Variants in TCF20 observed in about 807,000 individuals in gnomAD.
The protein encoded by TCF20 is transcription factor 20.
In TCF20, 3 loss-of-function variants were observed where a neutral mutation model predicts 148.6. The observed-to-expected ratio is 0.02, with a 90% CI of 0.01 to 0.05. The LOEUF (loss-of-function observed/expected upper bound fraction) is 0.05, where lower values mean the gene tolerates loss of function less well. Among genes scored for constraint, TCF20 ranks in the 10% least tolerant of loss-of-function variants. The pLI is 1.00. For missense variants in TCF20, 2,350 were observed against 2,429.3 expected (o/e 0.97, Z 0.69); for synonymous variants, 1,049 against 909.5 (o/e 1.15, Z -2.76).
rs760560938 is a variant in TCF20, at chr22:42,210,540, G to A, written c.4766C>T (p.Pro1589Leu). 1.1e-5 allele frequency: 18 copies of A among 1,614,210 alleles called. No individual in the cohort carries two copies. Among genetic ancestry groups the A allele is most frequent in the Non-Finnish European group, 1.5e-5 (18 of 1,180,042 alleles). Residue 1589 changes from proline to leucine, a missense_variant, in exon 2 of 6, where the codon CCT (proline) becomes CTT (leucine). Transcript: ENST00000677622. This position sits in a 1 kb window ranked among gnomAD's most constrained non-coding sequence, Gnocchi z 4.7. ...TTTTCGCTTCCTCGGCTGGGCCCCA[G>A]GCTTCCTTCTCTCCCTCCTTTGCCT... The part of the protein sequence containing the change: ...KQRQRRERRK[P>L]GAQPRKRKTK...
Position 42,174,831 on chromosome 22 carries a change from C to G in TCF20, c.5749+4778G>C, listed in dbSNP as rs145328893. 5.1e-4 allele frequency among the ~76,000 whole-genome samples: 78 copies of G among 151,946 alleles called. 1 individual carries two copies. The highest frequency in any genetic ancestry group is 4.4e-3 in the Admixed American group (67 of 15,266). ...TGGGCAGATCACAAGGTCAGGAGAT[C>G]GAGACCATCCCGGCTAACACGGTGA... is the stretch of plus-strand genomic sequence containing the variant. On this transcript the variant is annotated intron_variant, in intron 3 of 5. Coordinates refer to ENST00000677622, the MANE Select transcript of TCF20 (RefSeq NM_001378418.1).
At chr22:42,308,959 C>T (rs1409049294) in intron 1 of TCF20, among the ~76,000 whole-genome samples, 1 of 152,136 alleles carries the variant, frequency 6.6e-6, no homozygotes, top group Non-Finnish European at 1.5e-5. Context: ...CACACAGGCC[C>T]TGAGGGTAGA....
intron 1 of TCF20, among the ~76,000 whole-genome samples, chr22:42,255,383 G>A (rs183660483): frequency 6.6e-6 from 1 of 152,104 alleles, no homozygotes; most frequent in Admixed American, 6.5e-5. Flanking sequence ...CAGCTAGTTG[G>A]GAGGCTAAGG....
intron 2 of TCF20, among the ~76,000 whole-genome samples, chr22:42,199,740 A>C (rs1354785550): frequency 7.4e-6 from 1 of 135,928 alleles, no homozygotes; most frequent in Non-Finnish European, 1.6e-5. Flanking sequence ...AAAAAAAATT[A>C]GCCAGATGTG....
At chr22:42,295,749 A>G (rs367655912) in intron 1 of TCF20, among the ~76,000 whole-genome samples, 1 of 152,174 alleles carries the variant, frequency 6.6e-6, no homozygotes. Context: ...CTACTCCCTT[A>G]TGTTTTCATA....
At chr22:42,323,064 G>A (rs1044539700) in intron 1 of TCF20, among the ~76,000 whole-genome samples, 4 of 151,570 alleles carry the variant, frequency 2.6e-5, no homozygotes, top group East Asian at 1.9e-4. Context: ...CTGCCACCAC[G>A]ACTGGCTGAT....
chr22:42,163,413 T>C (rs1935583585), intron 5 of TCF20, among the ~76,000 whole-genome samples: 1 of 152,246 alleles, frequency 6.6e-6, no homozygotes, highest in African/African-American at 2.4e-5. Context: ...CTGAATGTAA[T>C]GGGACCCTAA....
At chr22:42,220,659 G>C (rs113798312) in intron 1 of TCF20, among the ~76,000 whole-genome samples, 14 of 152,200 alleles carry the variant, frequency 9.2e-5, no homozygotes, top group African/African-American at 3.1e-4. Context: ...CTATGCCCTA[G>C]AACGGACAAT....
At chr22:42,228,355 A>G (rs1923096143) in intron 1 of TCF20, among the ~76,000 whole-genome samples, 1 of 152,238 alleles carries the variant, frequency 6.6e-6, no homozygotes, top group African/African-American at 2.4e-5. Flanking sequence ...AGCAGCAGCC[A>G]ACACTAGTTA....
At chr22:42,241,648 G>A (rs1304169558) in intron 1 of TCF20, among the ~76,000 whole-genome samples, 1 of 152,106 alleles carries the variant, frequency 6.6e-6, no homozygotes, top group Non-Finnish European at 1.5e-5. Context: ...CCATCATGGT[G>A]AAACTCCATC....
At chr22:42,277,598 G>A (rs1926808455) in intron 1 of TCF20, among the ~76,000 whole-genome samples, 1 of 152,174 alleles carries the variant, frequency 6.6e-6, no homozygotes, top group Non-Finnish European at 1.5e-5. Context: ...AGGGCACAGG[G>A]GCCTGCAGGG....
At chr22:42,198,086 G>A (rs1267783487) in intron 2 of TCF20, among the ~76,000 whole-genome samples, 1 of 152,062 alleles carries the variant, frequency 6.6e-6, no homozygotes, top group Non-Finnish European at 1.5e-5. Flanking sequence ...AAATTAACTG[G>A]AAACCACCTC....
At chr22:42,174,565 ACAAT>A (rs1424012415) in intron 3 of TCF20, among the ~76,000 whole-genome samples, 2 of 152,072 alleles carry the variant, frequency 1.3e-5, no homozygotes, top group Non-Finnish European at 2.9e-5. Flanking sequence ...TATAAAACTA[ACAAT>A]CAACCATAAA....
At chr22:42,231,937 A>AAAAAAG (rs1444805095) in intron 1 of TCF20, among the ~76,000 whole-genome samples, 1 of 152,024 alleles carries the variant, frequency 6.6e-6, no homozygotes, top group East Asian at 1.9e-4. Flanking sequence ...TCAAAAAAAA[A>AAAAAAG]AAAAAAAAAG....
intron 1 of TCF20, among the ~76,000 whole-genome samples, chr22:42,308,501 A>C (rs1345502193): frequency 6.6e-6 from 1 of 152,094 alleles, no homozygotes. Flanking sequence ...CAGAGTCTCA[A>C]GGAGGTAATG....
chr22:42,259,624 T>C (rs971411394), intron 1 of TCF20, among the ~76,000 whole-genome samples: 2 of 152,250 alleles, frequency 1.3e-5, no homozygotes, highest in African/African-American at 4.8e-5. Flanking sequence ...TTTTAATGAA[T>C]GGCAATGCCA....
In TCF20 at chr22:42,214,733, A is replaced by T. The variant is rs762659014; in HGVS notation, c.573T>A (p.His191Gln). ...QQLRQQLYQS[H>Q]QPLPQATGQP... ...GGCCAGTGGCCTGTGGCAGGGGCTGATGGGACTGGTAAAGCTGTTGTCTCA... is the reference window on the plus strand; with the variant it reads ...GGCCAGTGGCCTGTGGCAGGGGCTGTTGGGACTGGTAAAGCTGTTGTCTCA... Residue 191 changes from histidine to glutamine, a missense_variant, in exon 2 of 6, where the codon CAT (histidine) becomes CAA (glutamine). His to Gln is a conservative substitution (Grantham distance 24, BLOSUM62 0). Coordinates refer to ENST00000677622, the MANE Select transcript of TCF20 (RefSeq NM_001378418.1). 7 of 1,613,974 alleles carry T rather than the reference A, an allele frequency of 4.3e-6. No homozygotes were observed. The highest frequency in any genetic ancestry group is 5.1e-6 in the Non-Finnish European group (6 of 1,180,008).
chr22:42,232,723 C>T lies in TCF20; in HGVS notation c.-36-17382G>A, dbSNP rs5758663. Among the ~76,000 whole-genome samples the T allele has an allele frequency of 0.012, 1,822 of 148,264 alleles. 269 individuals carry two copies. In the East Asian group the frequency reaches 0.33, roughly 27 times the overall value. ...GCGGGCACCTGTGGTCCCAGCAACCCGGGAGGCGGAGCTTGCAGTGAGCCT... is the reference window on the plus strand; with the variant it reads ...GCGGGCACCTGTGGTCCCAGCAACCTGGGAGGCGGAGCTTGCAGTGAGCCT... On this transcript the variant is annotated intron_variant, in intron 1 of 5. Transcript: ENST00000677622.
chr22:42,161,508 G>A (rs539520930), intron 5 of TCF20, 150 bp from the exon 6 acceptor site: 5 of 980,000 alleles, frequency 5.1e-6, no homozygotes, highest in South Asian at 3.0e-5. Context: ...GGACACACCC[G>A]AGACCAATGC....
Sources: gnomAD v4.1 joint callset for allele counts (sites outside exome capture counted in the v4.1 genomes callset) on GRCh38, gnomAD v4.1.1 for gene constraint, Gnocchi (gnomAD v3.1) non-coding constraint, MANE v1.5 for transcripts, NCBI Gene and HGNC (gene_info 2026-07-23, HGNC 2026-07-21) for gene names.